The following FBXO27 variants were observed in gnomAD, a reference collection of about 807,000 sequenced individuals.
The protein encoded by FBXO27 is F-box protein 27, also known as F-box only protein 27.
FBXO27 carries 28 observed loss-of-function variants against 28.3 expected under a neutral mutation model. The observed-to-expected ratio is 0.99, with a 90% CI of 0.73 to 1.36. The LOEUF is 1.36. Ranked by LOEUF, FBXO27 falls within the 40% of genes most tolerant of loss-of-function variation. FBXO27 has a pLI of 0.00. For synonymous variants in FBXO27, 175 were observed against 167.3 expected, an observed-to-expected ratio of 1.05 and a Z score of -0.36; for missense variants, 388 against 394.1, an observed-to-expected ratio of 0.98 and a Z score of 0.13.
chr19:39,025,613 G>A, intron 5 of FBXO27, 59 bp from the exon 6 acceptor site: 1 of 1,540,502 alleles, frequency 6.5e-7, no homozygotes, highest in Non-Finnish European at 8.8e-7. Flanking sequence ...CAAAGCTGAG[G>A]TTAGGGCCTT....
chr19:39,014,853 C>A (rs114385174), intron 1 of FBXO27, among the ~76,000 whole-genome samples: 3,056 of 151,928 alleles, frequency 0.02, 110 homozygotes, highest in African/African-American at 0.069. Context: ...TCAAAATGTA[C>A]AAAGAACTCT....
chr19:39,012,480 A>G (rs1407573174), intron 2 of FBXO27, among the ~76,000 whole-genome samples: 1 of 151,806 alleles, frequency 6.6e-6, no homozygotes, highest in Non-Finnish European at 1.5e-5. Context: ...CACCACGCCC[A>G]GCGTCATTTT....
chr19:39,008,497 G>A (rs1274609821), intron 2 of FBXO27, among the ~76,000 whole-genome samples: 2 of 151,942 alleles, frequency 1.3e-5, no homozygotes, highest in Admixed American at 6.6e-5. Flanking sequence ...TTTTTACGGA[G>A]GTAAAATTCA....
intron 2 of FBXO27, among the ~76,000 whole-genome samples, chr19:39,007,079 T>A (rs666626): frequency 0.9 from 114,169 of 127,104 alleles, 51,652 homozygotes; most frequent in South Asian, 0.97. Context: ...AAAAAAAAAA[T>A]ACAGAAAAGT....
At chr19:39,015,318 CAAAAAAAAAAAAA>C (rs59646562) in intron 1 of FBXO27, among the ~76,000 whole-genome samples, 4 of 36,446 alleles carry the variant, frequency 1.1e-4, no homozygotes, top group Non-Finnish European at 1.7e-4. Flanking sequence ...GACTCTGTCT[CAAAAAAAAAAAAA>C]AAAAAAAAAA....
chr19:39,019,068 C>CAAAA (rs71167615), downstream of FBXO27, among the ~76,000 whole-genome samples: 1 of 124,448 alleles, frequency 8.0e-6, no homozygotes, highest in African/African-American at 3.1e-5. Context: ...GACTCTATCA[C>CAAAA]AAAAAAAAAA....
intron 5 of FBXO27, 110 bp from the exon 6 acceptor site, chr19:39,025,664 C>T: frequency 7.6e-7 from 1 of 1,324,492 alleles, no homozygotes; most frequent in Non-Finnish European, 1.0e-6. Flanking sequence ...ATAAAATCTC[C>T]AATTGGGCCA....
chr19:39,013,933 A>C (rs2072807726), intron 2 of FBXO27, among the ~76,000 whole-genome samples: 1 of 152,070 alleles, frequency 6.6e-6, no homozygotes, highest in African/African-American at 2.4e-5. Flanking sequence ...GAATGGCGTG[A>C]ACCTGGGAGG....
chr19:39,025,371 AG>A lies in FBXO27; in HGVS notation c.*39del, dbSNP rs2072866810. The A allele has an allele frequency of 6.3e-7, 1 of 1,591,640 alleles. No homozygotes were observed. Among genetic ancestry groups the A allele is most frequent in the African/African-American group, 1.3e-5 (1 of 74,504 alleles). ...CCAGCCAATGGTCCCAGGCCCTGGA[AG>A]GCACAGTCAGGCTGTCTTGCAAGAA... is the stretch of plus-strand genomic sequence containing the variant. On this transcript the variant is annotated 3_prime_UTR_variant, in exon 6 of 6. Coordinates refer to ENST00000292853, the MANE Select transcript of FBXO27 (RefSeq NM_178820.5).
Position 39,016,634 on chromosome 19 carries a change from T to A in FBXO27, c.92-2087A>T, listed in dbSNP as rs117192926. ...AACCCAAAAGCCAAAAAAACAAAAA[T>A]TAGCTGGGTGTGGTGGCACACGCAC... On this transcript the variant is annotated intron_variant, in intron 1 of 2. Coordinates refer to the FBXO27 transcript ENST00000598394. Among the ~76,000 whole-genome samples, 114 of 136,886 alleles carry A rather than the reference T, an allele frequency of 8.3e-4. 5 individuals carry two copies. In the East Asian group the frequency reaches 0.015, roughly 19 times the overall value. The allele number at this position is 136,886 out of a possible 152,430, so 89.8% of individuals were successfully genotyped here. A position where few individuals can be genotyped will look rare whatever the true frequency, so the allele number is the denominator to read the frequency against.
chr19:39,032,364 C>T lies in FBXO27; in HGVS notation c.-26-111G>A. ...CCCCCGTCTTCACCATCCCTGGGCCCCGTCCCCAAGTCCCCATCCCCCAGC... is the reference window on the plus strand; with the variant it reads ...CCCCCGTCTTCACCATCCCTGGGCCTCGTCCCCAAGTCCCCATCCCCCAGC... On this transcript the variant is annotated intron_variant, in intron 1 of 5. Coordinates refer to ENST00000292853, the MANE Select transcript of FBXO27 (RefSeq NM_178820.5). This position sits in a 1 kb window ranked among gnomAD's most constrained non-coding sequence, Gnocchi z 4.7. 7.9e-7 allele frequency: 1 copy of T among 1,266,228 alleles called. No individual in the cohort carries two copies. The allele number at this position is 1,266,228 out of a possible 1,614,324, so 78.4% of individuals were successfully genotyped here.
chr19:39,025,751 G>A (rs1043546885), intron 5 of FBXO27, among the ~76,000 whole-genome samples, 197 bp from the exon 6 acceptor site: 10 of 151,536 alleles, frequency 6.6e-5, no homozygotes, highest in Non-Finnish European at 1.2e-4. Context: ...GGTATGGCTC[G>A]TGCCTGTAAT....
At chr19:39,014,179 C>T (rs1402517943) in intron 2 of FBXO27, among the ~76,000 whole-genome samples, 2 of 152,162 alleles carry the variant, frequency 1.3e-5, no homozygotes, top group African/African-American at 4.8e-5. Context: ...TTTAATTTAG[C>T]ACAGCACATG....
Position 39,026,977 on chromosome 19 carries a change from T to C in FBXO27, c.601A>G (p.Met201Val), listed in dbSNP as rs1206673695. Residue 201 changes from methionine to valine, a missense_variant, in exon 5 of 6, where the codon ATG (methionine) becomes GTG (valine). Met to Val is a conservative substitution (Grantham distance 21). Coordinates refer to ENST00000292853, the MANE Select transcript of FBXO27 (RefSeq NM_178820.5). ...WWGARHDSGC[M>V]YRLLVQLLDA... ...AGAAGTTGGACGAGGAGTCTGTACA[T>C]ACAGCCGCTGTCGTGTCGGGCTCCC... 2 of 1,614,062 alleles carry C rather than the reference T, an allele frequency of 1.2e-6. No homozygotes were observed. The highest frequency in any genetic ancestry group is 1.7e-5 in the Admixed American group (1 of 59,984).
chr19:39,021,398 C>A (rs1409227638), downstream of FBXO27, among the ~76,000 whole-genome samples: 1 of 152,172 alleles, frequency 6.6e-6, no homozygotes. Context: ...GACCAGCCCT[C>A]CTCTTCAGCC....
At chr19:39,027,704 G>C (rs78553221) in intron 4 of FBXO27, among the ~76,000 whole-genome samples, 18,241 of 151,854 alleles carry the variant, frequency 0.12, 1,233 homozygotes, top group African/African-American at 0.16. Context: ...TGTAGAGATG[G>C]GGTTTTGCCA....
chr19:39,032,357 C>T lies in FBXO27; in HGVS notation c.-26-104G>A. ...AGCCGCACCCCCGTCTTCACCATCC[C>T]TGGGCCCCGTCCCCAAGTCCCCATC... On this transcript the variant is annotated intron_variant, in intron 1 of 5. Coordinates refer to ENST00000292853, the MANE Select transcript of FBXO27 (RefSeq NM_178820.5). The surrounding 1 kb of genome is among the most constrained non-coding windows in gnomAD (Gnocchi z 4.7). The T allele has an allele frequency of 6.2e-6, 8 of 1,287,452 alleles. No homozygotes were observed. The highest frequency in any genetic ancestry group is 8.0e-6 in the Non-Finnish European group (8 of 997,364). The allele number at this position is 1,287,452 out of a possible 1,614,324, so 79.8% of individuals were successfully genotyped here.
downstream of FBXO27, among the ~76,000 whole-genome samples, chr19:39,019,603 TAA>T (rs2072836217): frequency 6.6e-6 from 1 of 152,070 alleles, no homozygotes; most frequent in Admixed American, 6.6e-5. Context: ...TTGATAATTT[TAA>T]AGAGTTTGGC....
At position 39,032,473 on chromosome 19, in the gene FBXO27, GCCGCACCGACA is replaced by G. The variant is rs1004756046; in HGVS notation, c.-27+19_-27+29del. On this transcript the variant is annotated intron_variant, in intron 1 of 5. Transcript: ENST00000292853. This position sits in a 1 kb window ranked among gnomAD's most constrained non-coding sequence, Gnocchi z 4.7. ...TGCATGCAATCAGCCCCCCTCGGCG[GCCGCACCGACA>G]CCGCACCCCAAGTCCTACCCCGGGG... is the stretch of plus-strand genomic sequence containing the variant. 24 of 500,078 alleles carry G rather than the reference GCCGCACCGACA, an allele frequency of 4.8e-5. No individual in the cohort carries two copies. The Middle Eastern group carries it at 1.6e-3, about 34-fold the overall frequency. 31.0% of individuals were successfully genotyped at this position (500,078 alleles called of 1,614,324 possible).
Sources: allele counts gnomAD v4.1 joint callset (sites outside exome capture counted in the v4.1 genomes callset), GRCh38; gene constraint gnomAD v4.1.1; non-coding constraint Gnocchi (gnomAD v3.1); transcripts MANE v1.5; gene names NCBI Gene and HGNC (gene_info 2026-07-23, HGNC 2026-07-21).